Variants in PRKN observed in about 807,000 individuals in gnomAD.
The protein encoded by PRKN is parkin RBR E3 ubiquitin protein ligase.
In PRKN, 56 loss-of-function variants were observed where a neutral mutation model predicts 59.5. The ratio of observed to expected loss-of-function variants is 0.94; its 90% CI spans 0.76 to 1.18. The LOEUF (loss-of-function observed/expected upper bound fraction) is 1.18, where lower values mean the gene tolerates loss of function less well. Ranked by LOEUF, PRKN falls within the 50% of genes most tolerant of loss-of-function variation. The pLI, the probability that PRKN is intolerant of heterozygous loss-of-function variation, is 0.00. For synonymous variants in PRKN, 250 were observed against 222.1 expected, an observed-to-expected ratio of 1.13 and a Z score of -1.12; for missense variants, 657 against 596.4, an observed-to-expected ratio of 1.10 and a Z score of -1.06.
Position 162,111,208 on chromosome 6 carries a change from T to G in PRKN, c.535-57034A>C, listed in dbSNP as rs544742948. ...TGGCTGGACACAGTAGATCACGCCT[T>G]TAATCCCAGCACTTTGGGAGGCCAA... On this transcript the variant is annotated intron_variant, in intron 4 of 11. Coordinates refer to ENST00000366898, the MANE Select transcript of PRKN (RefSeq NM_004562.3). 6.6e-5 allele frequency among the ~76,000 whole-genome samples: 10 copies of G among 152,128 alleles called. No individual in the cohort carries two copies. The East Asian group carries it at 9.7e-4, about 15-fold the overall frequency.
intron 4 of PRKN, among the ~76,000 whole-genome samples, chr6:162,103,348 A>G (rs1339913423): frequency 6.6e-6 from 1 of 152,198 alleles, no homozygotes; most frequent in Non-Finnish European, 1.5e-5. Flanking sequence ...ATCAAGATTT[A>G]TCTCAAGAAT....
intron 2 of PRKN, among the ~76,000 whole-genome samples, chr6:162,438,987 C>T (rs1789917195): frequency 1.3e-5 from 2 of 152,092 alleles, no homozygotes; most frequent in Admixed American, 1.3e-4. Context: ...TCCAGCCTAC[C>T]TTTTCTTTGC....
At chr6:162,268,790 G>A (rs777797214) in intron 2 of PRKN, among the ~76,000 whole-genome samples, 10 of 152,142 alleles carry the variant, frequency 6.6e-5, no homozygotes, top group Non-Finnish European at 1.3e-4. Context: ...ACTTGGATGA[G>A]GCAGACAAAC....
intron 4 of PRKN, among the ~76,000 whole-genome samples, chr6:162,192,324 A>C (rs1345220123): frequency 6.6e-6 from 1 of 152,134 alleles, no homozygotes; most frequent in African/African-American, 2.4e-5. Context: ...TCATTGCCAT[A>C]ATGATATGCA....
At chr6:162,527,220 C>G (rs777308477) in intron 1 of PRKN, among the ~76,000 whole-genome samples, 3 of 152,080 alleles carry the variant, frequency 2.0e-5, no homozygotes, top group African/African-American at 4.8e-5. Context: ...TGATCTGAAA[C>G]CGGGATAAAA....
At chr6:161,729,718 T>C (rs1256696565) in intron 7 of PRKN, among the ~76,000 whole-genome samples, 3 of 152,250 alleles carry the variant, frequency 2.0e-5, no homozygotes, top group Non-Finnish European at 2.9e-5. Flanking sequence ...ATGTTCAAGA[T>C]GAAACTTGTG....
At chr6:162,415,032 G>A (rs1039175924) in intron 2 of PRKN, among the ~76,000 whole-genome samples, 1 of 152,058 alleles carries the variant, frequency 6.6e-6, no homozygotes, top group Non-Finnish European at 1.5e-5. Flanking sequence ...TCTGAGAGAT[G>A]GCAAAATGCT....
rs557772446 is a variant in PRKN at position 162,295,791 on chromosome 6, T to C, written c.172-33026A>G. On this transcript the variant is annotated intron_variant, in intron 2 of 11. Transcript: ENST00000366898. ...CTACGCTTGCCCTTGGAGTTTATTT[T>C]GACTTCTGCATAGGTGGCTGCCACT... Among the ~76,000 whole-genome samples the C allele has an allele frequency of 3.3e-5, 5 of 152,288 alleles. No homozygotes were observed. In the South Asian group the frequency reaches 1.0e-3, roughly 32 times the overall value.
At chr6:162,472,419 T>G (rs1203573744) in intron 1 of PRKN, among the ~76,000 whole-genome samples, 1 of 143,988 alleles carries the variant, frequency 6.9e-6, no homozygotes, top group African/African-American at 2.6e-5. Flanking sequence ...ATTGTTCAAT[T>G]CCCACCTATG....
intron 3 of PRKN, among the ~76,000 whole-genome samples, chr6:162,235,103 T>A (rs932750519): frequency 2.0e-5 from 3 of 152,218 alleles, no homozygotes; most frequent in Non-Finnish European, 4.4e-5. Flanking sequence ...ACTAGCTGAA[T>A]GAGAGGCTTA....
chr6:162,255,457 AAAAAC>A (rs1192273138), intron 3 of PRKN, among the ~76,000 whole-genome samples: 1 of 152,184 alleles, frequency 6.6e-6, no homozygotes, highest in Admixed American at 6.5e-5. Flanking sequence ...TGGTATGTTT[AAAAAC>A]AAAACAAAAC....
chr6:161,682,287 C>G (rs907887829), intron 7 of PRKN, among the ~76,000 whole-genome samples: 3 of 152,128 alleles, frequency 2.0e-5, no homozygotes, highest in African/African-American at 7.2e-5. Flanking sequence ...CTCCCTGAGG[C>G]TTGGGTGATG....
At chr6:161,990,269 G>T (rs1781594533) in intron 5 of PRKN, among the ~76,000 whole-genome samples, 1 of 152,322 alleles carries the variant, frequency 6.6e-6, no homozygotes, top group South Asian at 2.1e-4. Flanking sequence ...AGAGATCACA[G>T]ACACAACTGA....
intron 6 of PRKN, among the ~76,000 whole-genome samples, chr6:161,959,370 A>C (rs190264468): frequency 1.9e-4 from 29 of 152,160 alleles, no homozygotes; most frequent in Admixed American, 1.8e-3. Context: ...AGATAAACTC[A>C]CACCAACTTC....
At chr6:161,641,754 C>T (rs1444821925) in intron 7 of PRKN, among the ~76,000 whole-genome samples, 1 of 152,154 alleles carries the variant, frequency 6.6e-6, no homozygotes, top group Admixed American at 6.5e-5. Context: ...ACTTTCACAG[C>T]CCCAGGCAAA....
chr6:162,631,897 A>T (rs1004732577), intron 1 of PRKN, among the ~76,000 whole-genome samples: 4 of 151,902 alleles, frequency 2.6e-5, no homozygotes, highest in Admixed American at 2.0e-4. Flanking sequence ...AGTCTTCTGC[A>T]TACAGCCAGT....
At position 161,549,117 on chromosome 6, in the gene PRKN, C is replaced by CGT; in HGVS notation, c.934-115_934-114insAC. 4 of 1,092,988 alleles carry CGT rather than the reference C, an allele frequency of 3.7e-6. No homozygotes were observed. The highest frequency in any genetic ancestry group is 2.0e-5 in the Admixed American group (1 of 49,598). 67.7% of individuals were successfully genotyped at this position (1,092,988 alleles called of 1,614,324 possible). ...CTTAACCAGTTTCAGTAAAATAATG[C>CGT]ATGTGTGTGTGTGTGTGTGTGTGTA... On this transcript the variant is annotated intron_variant, in intron 8 of 11. Coordinates refer to ENST00000366898, the MANE Select transcript of PRKN (RefSeq NM_004562.3). The surrounding 1 kb of genome is among the most constrained non-coding windows in gnomAD (Gnocchi z 6.0).
At chr6:162,394,339 G>T (rs1316152251) in intron 2 of PRKN, among the ~76,000 whole-genome samples, 2 of 152,054 alleles carry the variant, frequency 1.3e-5, no homozygotes, top group Non-Finnish European at 2.9e-5. Context: ...GTACTTCCAC[G>T]AGCTTCGGGT....
chr6:162,658,996 A>G (rs1184187159), intron 1 of PRKN, among the ~76,000 whole-genome samples: 1 of 152,206 alleles, frequency 6.6e-6, no homozygotes. Context: ...GGAAAGAATC[A>G]AGCTGTAAAA....
Sources: gnomAD v4.1 joint callset for allele counts (sites outside exome capture counted in the v4.1 genomes callset) on GRCh38, gnomAD v4.1.1 for gene constraint, Gnocchi (gnomAD v3.1) non-coding constraint, MANE v1.5 for transcripts, NCBI Gene and HGNC (gene_info 2026-07-23, HGNC 2026-07-21) for gene names.